Variants in SUPT3H observed in about 807,000 individuals in gnomAD.
SUPT3H encodes SPT3 homolog, SAGA and STAGA complex component.
In SUPT3H, 44 loss-of-function variants were observed where a neutral mutation model predicts 44.3. That is an observed-to-expected ratio of 0.99 (90% CI 0.78 to 1.28). The LOEUF (loss-of-function observed/expected upper bound fraction) is 1.28. Ranked by LOEUF, SUPT3H falls within the 50% of genes most tolerant of loss-of-function variation. SUPT3H has a pLI of 0.00. For missense variants in SUPT3H, 380 were observed against 387.1 expected (o/e 0.98, Z 0.15); for synonymous variants, 124 against 125.6 (o/e 0.99, Z 0.09).
chr6:45,179,203 C>A (rs1216215059), intron 2 of SUPT3H, among the ~76,000 whole-genome samples: 1 of 152,168 alleles, frequency 6.6e-6, no homozygotes, highest in African/African-American at 2.4e-5. Flanking sequence ...TCTGAACAGA[C>A]CAATAACAGG....
intron 10 of SUPT3H, among the ~76,000 whole-genome samples, chr6:44,840,446 T>C (rs1297171477): frequency 1.3e-5 from 2 of 152,158 alleles, no homozygotes; most frequent in Non-Finnish European, 2.9e-5. Flanking sequence ...AATGCACAAG[T>C]AGCTGCCAGA....
At chr6:44,869,009 T>C (rs1775938260) in intron 10 of SUPT3H, among the ~76,000 whole-genome samples, 2 of 152,232 alleles carry the variant, frequency 1.3e-5, no homozygotes, top group Admixed American at 6.5e-5. Context: ...GTCACTGATG[T>C]TTCTGTTTCT....
chr6:45,251,291 T>C (rs1258825959), intron 2 of SUPT3H, among the ~76,000 whole-genome samples: 1 of 152,210 alleles, frequency 6.6e-6, no homozygotes, highest in African/African-American at 2.4e-5. Flanking sequence ...TTAGAATTTA[T>C]GTTATGTATA....
intron 6 of SUPT3H, among the ~76,000 whole-genome samples, chr6:44,966,897 G>T (rs1776856671): frequency 6.6e-6 from 1 of 152,082 alleles, no homozygotes; most frequent in African/African-American, 2.4e-5. Flanking sequence ...ATTACACAAT[G>T]CTCTCCTATC....
At chr6:45,007,211 G>A (rs1782839021) in intron 5 of SUPT3H, among the ~76,000 whole-genome samples, 1 of 152,050 alleles carries the variant, frequency 6.6e-6, no homozygotes, top group Admixed American at 6.6e-5. Context: ...AGAGGAGGCT[G>A]AGCTTTTGTA....
chr6:45,094,926 T>C (rs1417593892), intron 3 of SUPT3H, among the ~76,000 whole-genome samples: 1 of 152,174 alleles, frequency 6.6e-6, no homozygotes, highest in Non-Finnish European at 1.5e-5. Context: ...AACAACTCTG[T>C]ACGCATATGT....
chr6:45,185,970 C>T (rs769126223), intron 2 of SUPT3H, among the ~76,000 whole-genome samples: 7 of 152,162 alleles, frequency 4.6e-5, no homozygotes, highest in Admixed American at 6.5e-5. Context: ...GGGCACTCCA[C>T]TTTCCCCTCC....
intron 2 of SUPT3H, among the ~76,000 whole-genome samples, chr6:45,348,226 A>G (rs1791287258): frequency 6.6e-6 from 1 of 152,080 alleles, no homozygotes; most frequent in Non-Finnish European, 1.5e-5. Context: ...CTGACTCTGG[A>G]GTCAGAAAGA....
intron 2 of SUPT3H, among the ~76,000 whole-genome samples, chr6:45,241,213 C>A (rs574646937): frequency 1.4e-5 from 2 of 142,380 alleles, no homozygotes; most frequent in Non-Finnish European, 3.3e-5. Flanking sequence ...CAGGCCCCCC[C>A]CCAAATCTTG....
chr6:44,886,831 TAA>T (rs1470280818), intron 10 of SUPT3H, among the ~76,000 whole-genome samples: 2 of 152,008 alleles, frequency 1.3e-5, no homozygotes, highest in Non-Finnish European at 2.9e-5. Context: ...GCAAATTGGA[TAA>T]AGAGTCAAGA....
At chr6:45,306,652 G>A (rs191146174) in intron 2 of SUPT3H, among the ~76,000 whole-genome samples, 163 of 152,202 alleles carry the variant, frequency 1.1e-3, no homozygotes, top group Non-Finnish European at 1.7e-3. Flanking sequence ...GAATACAATC[G>A]GGCGGTTCCA....
At chr6:44,885,642 A>T (rs562363661) in intron 10 of SUPT3H, among the ~76,000 whole-genome samples, 1 of 152,136 alleles carries the variant, frequency 6.6e-6, no homozygotes, top group Non-Finnish European at 1.5e-5. Context: ...AGACCAAAAG[A>T]AGACAAAACC....
rs561352477 is a variant in SUPT3H, at chr6:45,154,739, A to G, written c.102-48733T>C. Among the ~76,000 whole-genome samples, 19 of 152,276 alleles carry G rather than the reference A, an allele frequency of 1.2e-4. No individual in the cohort carries two copies. The South Asian group carries it at 3.5e-3, about 28-fold the overall frequency. On this transcript the variant is annotated intron_variant, in intron 2 of 10. Coordinates refer to ENST00000371459, the MANE Select transcript of SUPT3H (RefSeq NM_003599.4). The stretch of plus-strand genomic sequence containing the variant: ...CCTGCACCCATCAACCCTATCCCCA[A>G]TGAGGAAGAATATGTAGCATCTAAA...
intron 2 of SUPT3H, among the ~76,000 whole-genome samples, chr6:45,163,364 C>CAGTTAA (rs1809348803): frequency 6.6e-6 from 1 of 151,956 alleles, no homozygotes; most frequent in African/African-American, 2.4e-5. Flanking sequence ...TAAATCTGGC[C>CAGTTAA]AAGAATACAG....
intron 2 of SUPT3H, among the ~76,000 whole-genome samples, chr6:45,305,116 T>A (rs1306335906): frequency 6.6e-6 from 1 of 152,224 alleles, no homozygotes; most frequent in Non-Finnish European, 1.5e-5. Flanking sequence ...ATGACATGGC[T>A]AATTATAGTT....
intron 2 of SUPT3H, among the ~76,000 whole-genome samples, chr6:45,173,081 C>A (rs1811096088): frequency 1.3e-5 from 2 of 151,986 alleles, no homozygotes; most frequent in South Asian, 4.2e-4. Flanking sequence ...AATAATCAAA[C>A]ACTAAACATC....
intron 6 of SUPT3H, among the ~76,000 whole-genome samples, chr6:44,989,547 T>G (rs140454251): frequency 1.3e-4 from 20 of 152,256 alleles, no homozygotes; most frequent in African/African-American, 4.8e-4. Flanking sequence ...GATCATCTGA[T>G]AGTCTACTTT....
At chr6:45,129,697 G>C (rs960571766) in intron 2 of SUPT3H, among the ~76,000 whole-genome samples, 14 of 151,918 alleles carry the variant, frequency 9.2e-5, no homozygotes, top group South Asian at 8.3e-4. Flanking sequence ...TTTTTATCAT[G>C]AAAATCTACC....
intron 3 of SUPT3H, among the ~76,000 whole-genome samples, chr6:45,039,528 C>T (rs1788187012): frequency 6.6e-6 from 1 of 152,218 alleles, no homozygotes; most frequent in South Asian, 2.1e-4. Context: ...GGCATGTAAT[C>T]CAGCAATTTG....
Sources: gnomAD v4.1 joint callset for allele counts (sites outside exome capture counted in the v4.1 genomes callset) on GRCh38, gnomAD v4.1.1 for gene constraint, MANE v1.5 for transcripts, NCBI Gene and HGNC (gene_info 2026-07-23, HGNC 2026-07-21) for gene names.